Variants in TGFB1 observed in about 807,000 individuals in gnomAD.
TGFB1 encodes transforming growth factor beta-1 proprotein.
Under a neutral mutation model 43.8 loss-of-function variants are expected in TGFB1, and 19 were observed. The observed-to-expected ratio is 0.43, with a 90% CI of 0.30 to 0.64. TGFB1 has a LOEUF of 0.64. Ranked by LOEUF, TGFB1 falls within the 30% of genes least tolerant of loss-of-function variation. The pLI is 0.11. For missense variants in TGFB1, 445 were observed against 529.8 expected (o/e 0.84, Z 1.57); for synonymous variants, 221 against 236.3 (o/e 0.94, Z 0.60).
intron 1 of TGFB1, among the ~76,000 whole-genome samples, 155 bp downstream of exon 1, chr19:41,352,535 G>T (rs555344830): frequency 4.0e-4 from 61 of 152,104 alleles, no homozygotes; most frequent in Non-Finnish European, 8.5e-4. Context: ...ATCCTCTTTC[G>T]GACACCCCCC....
intron 3 of TGFB1, among the ~76,000 whole-genome samples, chr19:41,342,844 G>A (rs2038074232): frequency 6.6e-6 from 1 of 151,688 alleles, no homozygotes; most frequent in African/African-American, 2.4e-5. Flanking sequence ...ATTCTCTGTA[G>A]AGACAGAGGT....
chr19:41,350,015 C>G (rs908748409), intron 1 of TGFB1, among the ~76,000 whole-genome samples: 3 of 151,810 alleles, frequency 2.0e-5, no homozygotes, highest in African/African-American at 7.3e-5. Context: ...GGGTCTCACT[C>G]TGTCCCCCAG....
Position 41,331,016 on chromosome 19 carries a change from C to T in TGFB1, c.*36G>A. 1.9e-6 allele frequency: 2 copies of T among 1,028,168 alleles called. No homozygotes were observed. The highest frequency in any genetic ancestry group is 2.4e-6 in the Non-Finnish European group (2 of 847,576). 63.7% of individuals were successfully genotyped at this position (1,028,168 alleles called of 1,614,324 possible). On this transcript the variant is annotated 3_prime_UTR_variant, in exon 7 of 7. Coordinates refer to ENST00000221930, the MANE Select transcript of TGFB1 (RefSeq NM_000660.7). ...CAGCGGGGGCGGGGCGGGGTGGGGC[C>T]GGGCCTGCCGGGGCGGGGCGGGGCG...
At chr19:41,340,251 C>CTTTTTTTTT (rs3061188) in intron 5 of TGFB1, among the ~76,000 whole-genome samples, 4 of 125,212 alleles carry the variant, frequency 3.2e-5, no homozygotes, top group African/African-American at 6.3e-5. Flanking sequence ...CACTTTCTTT[C>CTTTTTTTTT]TTTTTTTTTT....
chr19:41,333,374 G>A (rs760789896), intron 5 of TGFB1, among the ~76,000 whole-genome samples: 1 of 151,606 alleles, frequency 6.6e-6, no homozygotes, highest in Non-Finnish European at 1.5e-5. Context: ...CACCATGCCC[G>A]GCTAATTTTT....
chr19:41,344,302 C>G (rs1355268362), intron 3 of TGFB1, among the ~76,000 whole-genome samples: 1 of 151,944 alleles, frequency 6.6e-6, no homozygotes, highest in Non-Finnish European at 1.5e-5. Flanking sequence ...ACTCTTACAC[C>G]TCTCCTTTTC....
intron 5 of TGFB1, among the ~76,000 whole-genome samples, chr19:41,334,545 G>C (rs1050659334): frequency 6.9e-6 from 1 of 145,302 alleles, no homozygotes; most frequent in Non-Finnish European, 1.5e-5. Context: ...AGCCAGGCAC[G>C]GTGGCTCACG....
At chr19:41,336,049 G>A (rs1328813005) in intron 5 of TGFB1, among the ~76,000 whole-genome samples, 3 of 148,612 alleles carry the variant, frequency 2.0e-5, no homozygotes, top group African/African-American at 7.5e-5. Flanking sequence ...AGGCTGGAGT[G>A]CAGTGGTGCA....
chr19:41,341,965 G>A lies in TGFB1; in HGVS notation c.778C>T (p.Leu260Phe). ...GCCCTCTCCAGCGGGGTGGCCATGA[G>A]AAGCAGGAAAGGCCGGTTCATGCCA... ...IHGMNRPFLL[L>F]MATPLERAQH... is the part of the protein sequence containing the mutation. The change falls in exon 5 of 7, where the codon CTC becomes TTC. Residue 260 changes from leucine (L) to phenylalanine (F), a missense_variant. Physicochemically the swap from Leu to Phe is conservative, Grantham distance 22. Transcript: ENST00000221930. 1 of 1,614,220 alleles carries A rather than the reference G, an allele frequency of 6.2e-7. No individual in the cohort carries two copies. The highest frequency in any genetic ancestry group is 8.5e-7 in the Non-Finnish European group (1 of 1,180,034).
In TGFB1 at chr19:41,330,958, G is replaced by C. The variant is rs2037921861; in HGVS notation, c.*94C>G. 1 of 1,219,682 alleles carries C rather than the reference G, an allele frequency of 8.2e-7. No individual in the cohort carries two copies. The highest frequency in any genetic ancestry group is 1.6e-5 in the African/African-American group (1 of 62,236). The allele number at this position is 1,219,682 out of a possible 1,614,324, so 75.6% of individuals were successfully genotyped here. ...GGGGCCCCAGGTGGGCTTGGGGCAC[G>C]GGTGTCCTTAAATACAGCCCCCATG... On this transcript the variant is annotated 3_prime_UTR_variant, in exon 7 of 7. Coordinates refer to ENST00000221930, the MANE Select transcript of TGFB1 (RefSeq NM_000660.7).
chr19:41,332,802 G>C (rs1251259045), intron 5 of TGFB1, among the ~76,000 whole-genome samples: 1 of 152,296 alleles, frequency 6.6e-6, no homozygotes, highest in South Asian at 2.1e-4. Context: ...CGAGGAGTTC[G>C]AGGTTGCAGT....
rs1040473871 is a variant in TGFB1 at position 41,331,196 on chromosome 19, G to A, written c.1029C>T (p.Tyr343=). Residue 343 remains tyrosine (Y), a synonymous_variant, in exon 7 of 7, where the codon TAC becomes TAT. Transcript: ENST00000221930. The part of the protein sequence containing the change: ...DTQYSKVLAL[Y]NQHNPGASAA... ...CCGAGGCGCCCGGGTTATGCTGGTT[G>A]TACAGGGCCAGGACCTGCGGGCGGC... is the stretch of plus-strand genomic sequence containing the variant. 1.3e-6 allele frequency: 2 copies of A among 1,539,064 alleles called. No homozygotes were observed. The highest frequency in any genetic ancestry group is 3.9e-5 in the Admixed American group (2 of 50,660).
intron 1 of TGFB1, among the ~76,000 whole-genome samples, chr19:41,350,533 C>G (rs1049137905): frequency 6.6e-6 from 1 of 152,094 alleles, no homozygotes; most frequent in Non-Finnish European, 1.5e-5. Flanking sequence ...GTCTCCAACT[C>G]CTGACCTCAG....
rs142556795 is a variant in TGFB1, at chr19:41,347,123, A to G, written c.516+1172T>C. Reference sequence around the variant, plus strand: ...CTACAGCCTCGACCTCCTGGGCTCAATCAATCCTCCCACCTCAGACTACTG... The same window carrying G: ...CTACAGCCTCGACCTCCTGGGCTCAGTCAATCCTCCCACCTCAGACTACTG... On this transcript the variant is annotated intron_variant, in intron 2 of 6. Coordinates refer to ENST00000221930, the MANE Select transcript of TGFB1 (RefSeq NM_000660.7). Among the ~76,000 whole-genome samples, 48 of 152,222 alleles carry G rather than the reference A, an allele frequency of 3.2e-4. 1 individual carries two copies. The East Asian group carries it at 8.7e-3, about 28-fold the overall frequency.
chr19:41,341,599 C>T (rs770693364), intron 5 of TGFB1, among the ~76,000 whole-genome samples: 15 of 151,160 alleles, frequency 9.9e-5, no homozygotes, highest in Non-Finnish European at 1.8e-4. Context: ...TTAGTAGAGA[C>T]GGGTTTCACC....
At chr19:41,342,778 A>C (rs561360709) in intron 3 of TGFB1, among the ~76,000 whole-genome samples, 7 of 152,122 alleles carry the variant, frequency 4.6e-5, no homozygotes, top group Admixed American at 2.6e-4. Context: ...GGCATCCCAA[A>C]GTGCTGGGAT....
chr19:41,345,219 G>A (rs1022486574), intron 2 of TGFB1, among the ~76,000 whole-genome samples: 2 of 152,096 alleles, frequency 1.3e-5, no homozygotes, highest in Non-Finnish European at 2.9e-5. Context: ...ATTCTGGGCC[G>A]GGCGCAGTGG....
rs2014015 is a variant in TGFB1, at chr19:41,346,354, C to A, written c.517-1490G>T. Among the ~76,000 whole-genome samples, 715 of 152,164 alleles carry A rather than the reference C, an allele frequency of 4.7e-3. 11 individuals are homozygous for A. The highest frequency in any genetic ancestry group is 0.016 in the African/African-American group (681 of 41,522). On this transcript the variant is annotated intron_variant, in intron 2 of 6. Transcript: ENST00000221930. ...AACAGGAGCAAAACTCCATCACACA[C>A]ACACACAAAAAAAAGAAGAATTTTC...
chr19:41,340,255 T>C (rs984872159), intron 5 of TGFB1, among the ~76,000 whole-genome samples: 24 of 50,884 alleles, frequency 4.7e-4, no homozygotes, highest in Non-Finnish European at 9.6e-4. Context: ...TTCTTTCTTT[T>C]TTTTTTTTTT....
Sources: gnomAD v4.1 joint callset for allele counts (sites outside exome capture counted in the v4.1 genomes callset) on GRCh38, gnomAD v4.1.1 for gene constraint, MANE v1.5 for transcripts, NCBI Gene and HGNC (gene_info 2026-07-23, HGNC 2026-07-21) for gene names.